The following PCSK6 variants were observed in gnomAD, a reference collection of about 807,000 sequenced individuals.
PCSK6 encodes proprotein convertase subtilisin/kexin type 6, also known as paired basic amino acid cleaving enzyme 4.
Under a neutral mutation model 123.3 loss-of-function variants are expected in PCSK6, and 85 were observed. That is an observed-to-expected ratio of 0.69 (90% CI 0.58 to 0.83). PCSK6 has a LOEUF of 0.83. Ranked by LOEUF, PCSK6 falls within the 40% of genes least tolerant of loss-of-function variation. The probability of loss-of-function intolerance (pLI) is 0.00; values close to 1 mark genes in which losing one functional copy is unlikely to be tolerated. For synonymous variants in PCSK6, 508 were observed against 516.0 expected, an observed-to-expected ratio of 0.98 and a Z score of 0.21; for missense variants, 1,191 against 1,282.3, an observed-to-expected ratio of 0.93 and a Z score of 1.09.
intron 11 of PCSK6, among the ~76,000 whole-genome samples, chr15:101,373,931 T>A (rs1413992263): frequency 6.6e-6 from 1 of 152,222 alleles, no homozygotes; most frequent in Non-Finnish European, 1.5e-5. Context: ...CCAAAGTAAC[T>A]GAAAAGTGTC....
At chr15:101,341,241 G>A (rs2040598908) in intron 13 of PCSK6, among the ~76,000 whole-genome samples, 1 of 136,636 alleles carries the variant, frequency 7.3e-6, no homozygotes, top group Non-Finnish European at 1.5e-5. Flanking sequence ...CTGGCCAAAA[G>A]TGTGGGGTTT....
At chr15:101,455,238 A>G (rs28402219) in intron 1 of PCSK6, among the ~76,000 whole-genome samples, 8,422 of 152,260 alleles carry the variant, frequency 0.055, 722 homozygotes, top group African/African-American at 0.19. Context: ...TGCTGGGACT[A>G]TGGCTCCAGT....
rs758195693 is a variant in PCSK6 at position 101,307,224 on chromosome 15, G to A, written c.2801C>T (p.Thr934Met). 36 of 1,612,466 alleles carry A rather than the reference G, an allele frequency of 2.2e-5. No homozygotes were observed. Among genetic ancestry groups the A allele is most frequent in the Admixed American group, 8.3e-5 (5 of 59,960 alleles). The change falls in exon 21 of 22, where the codon ACG becomes ATG. Residue 934 changes from threonine to methionine, a missense_variant. Thr to Met is a moderately conservative substitution (Grantham distance 81). This residue lies in a region of PCSK6 where 630 missense variants were observed against 631.4 expected (regional missense o/e 1.00). Coordinates refer to ENST00000611716, the MANE Select transcript of PCSK6 (RefSeq NM_002570.5). ...CAGCTGCTGCTCACCGTTGCTGCACGTGTGGTTGGTGATGCAGGAGGTCCC... is the reference window on the plus strand; with the variant it reads ...CAGCTGCTGCTCACCGTTGCTGCACATGTGGTTGGTGATGCAGGAGGTCCC... ...QLGTSCITNH[T>M]CSNADETFCE... is the part of the protein sequence containing the mutation.
intron 1 of PCSK6, among the ~76,000 whole-genome samples, chr15:101,489,058 G>A (rs1040917122): frequency 6.7e-6 from 1 of 149,548 alleles, no homozygotes; most frequent in African/African-American, 2.4e-5. Flanking sequence ...GCGCCGCCCC[G>A]GCTTCTGAGG....
chr15:101,384,007 C>T (rs2041984551), intron 10 of PCSK6: 1 of 660,104 alleles, frequency 1.5e-6, no homozygotes, highest in Admixed American at 6.3e-5. Flanking sequence ...GTAGCTGCGA[C>T]TATAGGCACA....
At chr15:101,440,248 G>A (rs923823450) in intron 2 of PCSK6, among the ~76,000 whole-genome samples, 2 of 152,244 alleles carry the variant, frequency 1.3e-5, no homozygotes, top group African/African-American at 2.4e-5. Context: ...GGACAGGGCT[G>A]AGTAACAAAG....
intron 13 of PCSK6, among the ~76,000 whole-genome samples, chr15:101,359,259 C>G (rs1596228881): frequency 6.6e-6 from 1 of 152,156 alleles, no homozygotes; most frequent in African/African-American, 2.4e-5. Context: ...TCCAGTAGGC[C>G]CTAGAAGGTC....
chr15:101,414,356 C>A (rs924143169), intron 6 of PCSK6, among the ~76,000 whole-genome samples: 1 of 151,776 alleles, frequency 6.6e-6, no homozygotes, highest in Non-Finnish European at 1.5e-5. Flanking sequence ...AAATCACATA[C>A]AAAGATGTAA....
chr15:101,403,894 G>A (rs2141595245), intron 6 of PCSK6, among the ~76,000 whole-genome samples: 1 of 152,182 alleles, frequency 6.6e-6, no homozygotes, highest in East Asian at 1.9e-4. Flanking sequence ...TAATTTTTGT[G>A]CTTTTTAGTA....
intron 8 of PCSK6, among the ~76,000 whole-genome samples, chr15:101,391,007 C>G (rs775207327): frequency 9.2e-5 from 14 of 151,962 alleles, no homozygotes; most frequent in Non-Finnish European, 1.8e-4. Context: ...GAACTCAGCA[C>G]CTTCCTTGCA....
At chr15:101,379,481 C>G (rs2041849822) in intron 11 of PCSK6, among the ~76,000 whole-genome samples, 2 of 152,198 alleles carry the variant, frequency 1.3e-5, no homozygotes, top group Admixed American at 1.3e-4. Context: ...TCACCATATC[C>G]CACGCAGTGC....
chr15:101,327,770 G>A (rs1280951629), intron 15 of PCSK6, among the ~76,000 whole-genome samples: 2 of 152,132 alleles, frequency 1.3e-5, no homozygotes, highest in Non-Finnish European at 2.9e-5. Flanking sequence ...GACCCAGTGA[G>A]GCTGGCTTCC....
intron 6 of PCSK6, among the ~76,000 whole-genome samples, chr15:101,414,613 C>A (rs945717006): frequency 1.3e-5 from 2 of 152,054 alleles, no homozygotes; most frequent in Middle Eastern, 3.2e-3. Context: ...ACATAAGTCC[C>A]AATAACTGTG....
At chr15:101,327,432 T>C (rs1458488153) in intron 15 of PCSK6, among the ~76,000 whole-genome samples, 1 of 152,030 alleles carries the variant, frequency 6.6e-6, no homozygotes, top group East Asian at 1.9e-4. Flanking sequence ...ACAGCTGGGG[T>C]GGACTCCTGC....
chr15:101,412,392 C>T (rs1466316792), intron 6 of PCSK6, among the ~76,000 whole-genome samples: 1 of 151,986 alleles, frequency 6.6e-6, no homozygotes, highest in African/African-American at 2.4e-5. Context: ...CATTTTCTTC[C>T]TCTTTTTAGG....
rs1455027550 is a variant in PCSK6 at position 101,313,426 on chromosome 15, C to A, written c.2649G>T (p.Glu883Asp). 1 of 1,612,658 alleles carries A rather than the reference C, an allele frequency of 6.2e-7. No individual in the cohort carries two copies. Among genetic ancestry groups the A allele is most frequent in the Non-Finnish European group, 8.5e-7 (1 of 1,179,848 alleles). Reference sequence around the variant, plus strand: ...CCGGCATCTCTTCTGGGTAGAAGCCCTCACCACAGGCTGGCACACACTTCC... The same window carrying A: ...CCGGCATCTCTTCTGGGTAGAAGCCATCACCACAGGCTGGCACACACTTCC... Reference protein sequence around the residue: ...HDWKCVPACGEGFYPEEMPGL... With the variant: ...HDWKCVPACGDGFYPEEMPGL... The change falls in exon 20 of 22, where the codon GAG becomes GAT. Residue 883 changes from glutamate to aspartate, a missense_variant. Physicochemically the swap from Glu to Asp is conservative, Grantham distance 45 (BLOSUM62 2). This residue lies in a region of PCSK6 where 630 missense variants were observed against 631.4 expected (regional missense o/e 1.00). Coordinates refer to ENST00000611716, the MANE Select transcript of PCSK6 (RefSeq NM_002570.5).
At chr15:101,489,193 C>T (rs1368188332) in intron 1 of PCSK6, among the ~76,000 whole-genome samples, 181 bp downstream of exon 1, 4 of 73,996 alleles carry the variant, frequency 5.4e-5, no homozygotes, top group Non-Finnish European at 6.1e-5. Flanking sequence ...CGCGCGCGCC[C>T]CCCCGGGCGA....
intron 11 of PCSK6, among the ~76,000 whole-genome samples, chr15:101,375,947 C>T (rs2141483485): frequency 6.6e-6 from 1 of 152,280 alleles, no homozygotes; most frequent in Non-Finnish European, 1.5e-5. Flanking sequence ...GGCAAGACCA[C>T]TGCTTGAACC....
intron 1 of PCSK6, among the ~76,000 whole-genome samples, chr15:101,486,183 C>T (rs1488335920): frequency 6.6e-6 from 1 of 151,990 alleles, no homozygotes; most frequent in African/African-American, 2.4e-5. Context: ...TGGCTGGTCT[C>T]GAACTCCTGA....
Sources: gnomAD v4.1 joint callset for allele counts (sites outside exome capture counted in the v4.1 genomes callset) on GRCh38, gnomAD v4.1.1 for gene constraint, gnomAD v4.1.1 regional missense constraint, MANE v1.5 for transcripts, NCBI Gene and HGNC (gene_info 2026-07-23, HGNC 2026-07-21) for gene names.